The following CDKL5 variants were observed in gnomAD, a reference collection of about 807,000 sequenced individuals.
CDKL5 encodes the protein cyclin-dependent kinase-like 5.
CDKL5 carries 8 observed loss-of-function variants against 61.7 expected under a neutral mutation model. That is an observed-to-expected ratio of 0.13 (90% confidence interval 0.08 to 0.23). The LOEUF (loss-of-function observed/expected upper bound fraction) is 0.23, where lower values mean the gene tolerates loss of function less well. CDKL5 is among the 10% of genes least tolerant of loss of function. CDKL5 has a pLI of 1.00. For synonymous variants in CDKL5, 275 were observed against 272.3 expected (o/e 1.01, Z -0.10); for missense variants, 440 against 734.5 (o/e 0.60, Z 4.63).
At chrX:18,546,413 C>A (rs1407738100) in intron 3 of CDKL5, among the ~76,000 whole-genome samples, 1 of 109,281 alleles carries the variant, frequency 9.2e-6, no homozygotes, top group Admixed American at 9.8e-5. Context: ...AGGCGCCCGC[C>A]ACCACACCTG....
At chrX:18,617,009 A>G (rs1356398480) in intron 15 of CDKL5, among the ~76,000 whole-genome samples, 1 of 111,390 alleles carries the variant, frequency 9.0e-6, no homozygotes, top group Admixed American at 9.5e-5. Flanking sequence ...GTCTGTGAGC[A>G]GCTTGAGTGA....
rs144680579 is a variant in CDKL5 at position 18,517,909 on chromosome X, G to A, written c.99+7055G>A. Among the ~76,000 whole-genome samples, 726 of 111,233 alleles carry A rather than the reference G, an allele frequency of 6.5e-3. 2 individuals carry two copies. The highest frequency in any genetic ancestry group is 0.01 in the Non-Finnish European group (532 of 53,050). The stretch of plus-strand genomic sequence containing the variant: ...TGTAATCCCAGCTACTCAGGAGGCC[G>A]AGGCAGAATTGCTTGAACCCGGGAG... On this transcript the variant is annotated intron_variant, in intron 3 of 17. Transcript: ENST00000623535.
chrX:18,596,307 A>G (rs1374384200), intron 10 of CDKL5, among the ~76,000 whole-genome samples: 1 of 110,051 alleles, frequency 9.1e-6, no homozygotes, highest in Non-Finnish European at 1.9e-5. Context: ...TCCAGGGAAC[A>G]TAGTGTACAT....
Position 18,653,494 on chromosome X carries a change from C to G in CDKL5, c.3043C>G (p.Gln1015Glu), listed in dbSNP as rs377160785. ...CCTGATTCACAGGGCCCAGGTAAAC[C>G]AAGCTGCGCTCCTGACATACCATGA... is the stretch of plus-strand genomic sequence containing the variant. The change falls in exon 22 of 22, where the codon CAA (glutamine) becomes GAA (glutamate). Residue 1015 changes from glutamine (Q) to glutamate (E), a missense_variant. By Grantham distance (29) the Gln-to-Glu change is conservative. Transcript: ENST00000379989. 3 of 1,210,102 alleles carry G rather than the reference C, an allele frequency of 2.5e-6. No homozygotes were observed. In the African/African-American group the frequency reaches 5.2e-5, roughly 21 times the overall value.
intron 1 of CDKL5, among the ~76,000 whole-genome samples, chrX:18,461,366 G>T (rs754054348): frequency 8.9e-6 from 1 of 112,572 alleles, no homozygotes; most frequent in Non-Finnish European, 1.9e-5. Flanking sequence ...CATCAAGCCT[G>T]TGTGAGTTAA....
At position 18,635,587 on chromosome X, in the gene CDKL5, T is replaced by C. The variant is rs768316056; in HGVS notation, c.*6830T>C. ...AAACTAGGCAAATCCTGTAACTTAA[T>C]GATGTTGATCTTTGTTTTCCTATTT... On this transcript the variant is annotated 3_prime_UTR_variant, in exon 18 of 18. Coordinates refer to ENST00000623535, the MANE Select transcript of CDKL5 (RefSeq NM_001323289.2). 1.6e-5 allele frequency: 12 copies of C among 751,529 alleles called. No individual in the cohort carries two copies. The African/African-American group carries it at 1.8e-4, about 12-fold the overall frequency. The allele number at this position is 751,529 out of a possible 1,213,427, so 61.9% of individuals were successfully genotyped here. A position where few individuals can be genotyped will look rare whatever the true frequency, so the allele number is the denominator to read the frequency against.
rs141928113 is a variant in CDKL5 at position 18,482,841 on chromosome X, T to G, written c.-162-24094T>G. Among the ~76,000 whole-genome samples, 112 of 111,972 alleles carry G rather than the reference T, an allele frequency of 1.0e-3. 2 individuals carry two copies. In the East Asian group the frequency reaches 0.025, roughly 25 times the overall value. On this transcript the variant is annotated intron_variant, in intron 1 of 17. Transcript: ENST00000623535. ...ATAGTTCTAAATTGTTGAGGCCGAG[T>G]AGAAAAATTTTCAGTGATATTGTTC...
chrX:18,651,285 G>C (rs896686831), intron 21 of CDKL5, among the ~76,000 whole-genome samples: 1 of 108,341 alleles, frequency 9.2e-6, no homozygotes, highest in Non-Finnish European at 1.9e-5. Flanking sequence ...GAGAGAGAGA[G>C]AGACAGAGAG....
intron 1 of CDKL5, among the ~76,000 whole-genome samples, chrX:18,495,711 C>T (rs1922145369): frequency 9.0e-6 from 1 of 111,577 alleles, no homozygotes; most frequent in African/African-American, 3.3e-5. Context: ...CTCTAAGACT[C>T]TTTGTACTGC....
intron 1 of CDKL5, among the ~76,000 whole-genome samples, chrX:18,479,504 A>G (rs1441766999): frequency 1.8e-5 from 2 of 108,783 alleles, no homozygotes; most frequent in African/African-American, 3.4e-5. Flanking sequence ...TATTTTTAGT[A>G]GAGACGGGGT....
intron 1 of CDKL5, chrX:18,442,363 T>G (rs767487208): frequency 1.8e-5 from 2 of 111,857 alleles, no homozygotes; most frequent in Non-Finnish European, 3.8e-5. Flanking sequence ...ACCCGTTCTT[T>G]TTGGTGTCCA....
At chrX:18,539,351 T>G (rs1306870137) in intron 3 of CDKL5, among the ~76,000 whole-genome samples, 10 of 112,062 alleles carry the variant, frequency 8.9e-5, no homozygotes, top group Non-Finnish European at 1.9e-5. Flanking sequence ...ATACTATAAA[T>G]TTCCCTCTCA....
At chrX:18,554,878 A>G (rs2147125221) in intron 3 of CDKL5, among the ~76,000 whole-genome samples, 1 of 111,325 alleles carries the variant, frequency 9.0e-6, no homozygotes, top group South Asian at 3.8e-4. Flanking sequence ...ATTTTCTTTC[A>G]TAGCATATTA....
chrX:18,555,716 A>G (rs1924578444), intron 3 of CDKL5, among the ~76,000 whole-genome samples: 1 of 112,295 alleles, frequency 8.9e-6, no homozygotes. Flanking sequence ...GTCATGCGTT[A>G]TTACATACCA....
rs201239931 is a variant in CDKL5, at chrX:18,636,336, T to TTTATTATTATTATTATTA, written c.*7609_*7626dup. 1.1e-5 allele frequency: 1 copy of TTTATTATTATTATTATTA among 94,021 alleles called. No homozygotes were observed. The highest frequency in any genetic ancestry group is 2.1e-5 in the Non-Finnish European group (1 of 47,761). The allele number at this position is 94,021 out of a possible 1,213,427, so 7.7% of individuals were successfully genotyped here. ...CAGGCACAATGCCCAAGTGTTTTGC[T>TTTATTATTATTATTATTA]TTATTATTATTATTATTATTATTAT... On this transcript the variant is annotated 3_prime_UTR_variant, in exon 18 of 18. Transcript: ENST00000623535.
intron 3 of CDKL5, among the ~76,000 whole-genome samples, chrX:18,552,253 A>C (rs977697456): frequency 3.7e-5 from 4 of 109,029 alleles, no homozygotes; most frequent in African/African-American, 9.9e-5. Flanking sequence ...AAAAAAAAAA[A>C]GAAAGAAAGA....
chrX:18,437,108 A>G (rs1203159976), intron 1 of CDKL5, among the ~76,000 whole-genome samples: 1 of 110,414 alleles, frequency 9.1e-6, no homozygotes, highest in Non-Finnish European at 1.9e-5. Flanking sequence ...GAAATGCTAC[A>G]AAACCCAAGA....
intron 3 of CDKL5, among the ~76,000 whole-genome samples, chrX:18,517,329 T>C (rs1317212013): frequency 9.0e-6 from 1 of 111,541 alleles, no homozygotes; most frequent in Non-Finnish European, 1.9e-5. Context: ...GGGATTATCT[T>C]TCATCCCTCT....
chrX:18,644,736 G>A, downstream of CDKL5: 1 of 769,901 alleles, frequency 1.3e-6, no homozygotes, highest in Non-Finnish European at 2.0e-6. Flanking sequence ...CCCCTGCCAA[G>A]CTCGGGCAGT....
Sources: gnomAD v4.1 joint callset for allele counts (sites outside exome capture counted in the v4.1 genomes callset) on GRCh38, gnomAD v4.1.1 for gene constraint, MANE v1.5 for transcripts, NCBI Gene and HGNC (gene_info 2026-07-23, HGNC 2026-07-21) for gene names.